The following CDK12 variants were observed in gnomAD, a reference collection of about 807,000 sequenced individuals.
CDK12 encodes the protein cyclin-dependent kinase 12.
Under a neutral mutation model 133.8 loss-of-function variants are expected in CDK12, and 17 were observed. That is an observed-to-expected ratio of 0.13 (90% CI 0.09 to 0.19). The LOEUF (loss-of-function observed/expected upper bound fraction) is 0.19. Among genes scored for constraint, CDK12 ranks in the 10% least tolerant of loss-of-function variants. The probability of loss-of-function intolerance (pLI) is 1.00; values close to 1 mark genes in which losing one functional copy is unlikely to be tolerated. For synonymous variants in CDK12, 694 were observed against 683.6 expected, an observed-to-expected ratio of 1.02 and a Z score of -0.24; for missense variants, 1,508 against 1,818.7, an observed-to-expected ratio of 0.83 and a Z score of 3.11.
downstream of CDK12, among the ~76,000 whole-genome samples, chr17:39,538,509 G>C (rs2055247775): frequency 6.6e-6 from 1 of 152,208 alleles, no homozygotes; most frequent in African/African-American, 2.4e-5. Context: ...AACTAACATT[G>C]TTGGGTACCT....
chr17:39,468,359 A>G (rs1208136966), intron 1 of CDK12, among the ~76,000 whole-genome samples: 2 of 152,174 alleles, frequency 1.3e-5, no homozygotes, highest in Non-Finnish European at 2.9e-5. Flanking sequence ...TGTCAGTCTT[A>G]CCATATCTCC....
At chr17:39,477,004 A>G (rs2145398064) in intron 2 of CDK12, among the ~76,000 whole-genome samples, 1 of 150,388 alleles carries the variant, frequency 6.6e-6, no homozygotes, top group South Asian at 2.1e-4. Flanking sequence ...GTGAACCACC[A>G]AGTCCAGCCC....
intron 1 of CDK12, among the ~76,000 whole-genome samples, chr17:39,470,146 T>C (rs2145164601): frequency 6.6e-6 from 1 of 151,990 alleles, no homozygotes; most frequent in South Asian, 2.1e-4. Flanking sequence ...TTTTTTTTTT[T>C]TTTGAGATGT....
In CDK12 at chr17:39,559,857, T is replaced by TA. The variant is rs56017248; in HGVS notation, n.484+3461dup. 7.4e-3 allele frequency among the ~76,000 whole-genome samples: 995 copies of TA among 133,954 alleles called. 10 individuals are homozygous for TA. Among genetic ancestry groups the TA allele is most frequent in the Middle Eastern group, 0.012 (3 of 260 alleles). 87.9% of individuals were successfully genotyped at this position (133,954 alleles called of 152,430 possible). A position where few individuals can be genotyped will look rare whatever the true frequency, so the allele number is the denominator to read the frequency against. On this transcript the variant is annotated intron_variant and non_coding_transcript_variant, in intron 3 of 3. Transcript: ENST00000558240. ...CCATCTCATAAAAAAGAAAAAATGT[T>TA]AAAAAAAAAAAAAAAAAGAAAGAAA...
intron 2 of CDK12, among the ~76,000 whole-genome samples, chr17:39,484,644 C>G (rs1461321364): frequency 2.0e-5 from 3 of 152,052 alleles, no homozygotes; most frequent in African/African-American, 7.2e-5. Flanking sequence ...CTCATTCTGT[C>G]TTGAAATAAA....
In CDK12 at chr17:39,482,469, T is replaced by A. The variant is rs2050787532; in HGVS notation, c.1932-8088T>A. ...GGATGCTTGGTTTCCATTTTTTATGTACTTAACTAAACTTTTTTTTTTAGG... is the reference window on the plus strand; with the variant it reads ...GGATGCTTGGTTTCCATTTTTTATGAACTTAACTAAACTTTTTTTTTTAGG... On this transcript the variant is annotated intron_variant, in intron 2 of 13. Coordinates refer to ENST00000447079, the MANE Select transcript of CDK12 (RefSeq NM_016507.4). Among the ~76,000 whole-genome samples, 3 of 151,900 alleles carry A rather than the reference T, an allele frequency of 2.0e-5. No homozygotes were observed. The South Asian group carries it at 6.2e-4, about 32-fold the overall frequency.
At chr17:39,561,027 CAAAA>C (rs1456666668) in intron 3 of CDK12, among the ~76,000 whole-genome samples, 1 of 151,806 alleles carries the variant, frequency 6.6e-6, no homozygotes, top group African/African-American at 2.4e-5. Context: ...AAAAAACAAA[CAAAA>C]AGCAGCAGTG....
At chr17:39,546,102 C>T (rs961835366), upstream of CDK12, 4 of 150,034 alleles carry the variant, frequency 2.7e-5, no homozygotes, top group African/African-American at 9.8e-5. Flanking sequence ...GCCCCTTCCT[C>T]CTTTTTTATG....
intron 13 of CDK12, among the ~76,000 whole-genome samples, chr17:39,528,420 A>G (rs550675257): frequency 2.6e-5 from 4 of 151,318 alleles, no homozygotes; most frequent in African/African-American, 7.3e-5. Context: ...TGCAAACCCT[A>G]CCTCCCAGGT....
At chr17:39,523,517 C>T (rs2054309254) in intron 11 of CDK12, among the ~76,000 whole-genome samples, 1 of 152,130 alleles carries the variant, frequency 6.6e-6, no homozygotes, top group Admixed American at 6.5e-5. Flanking sequence ...TTGAATTTGT[C>T]AGTGACAGTA....
intron 2 of CDK12, among the ~76,000 whole-genome samples, chr17:39,480,726 ACTTTT>A (rs570978924): frequency 3.8e-4 from 58 of 152,104 alleles, no homozygotes; most frequent in Middle Eastern, 3.4e-3. Context: ...CCCAGCCGAA[ACTTTT>A]CTTTTCTTTC....
At chr17:39,509,803 T>C in intron 7 of CDK12, 42 bp downstream of exon 7, 4 of 1,472,942 alleles carry the variant, frequency 2.7e-6, no homozygotes, top group Non-Finnish European at 3.8e-6. Flanking sequence ...ATAAGGTTTG[T>C]TTTGTTTTGT....
At chr17:39,516,052 AT>A (rs1172984084) in intron 9 of CDK12, among the ~76,000 whole-genome samples, 6 of 152,144 alleles carry the variant, frequency 3.9e-5, no homozygotes, top group Non-Finnish European at 1.5e-5. Flanking sequence ...AAAGCATACC[AT>A]TTTGGGGATG....
At chr17:39,473,049 C>A (rs1206509506) in intron 2 of CDK12, among the ~76,000 whole-genome samples, 1 of 151,438 alleles carries the variant, frequency 6.6e-6, no homozygotes, top group Non-Finnish European at 1.5e-5. Context: ...GTACTCCAGT[C>A]TGGGCGATAG....
chr17:39,465,271 C>T (rs1052388735), intron 1 of CDK12, among the ~76,000 whole-genome samples: 2 of 127,448 alleles, frequency 1.6e-5, no homozygotes, highest in Non-Finnish European at 3.4e-5. Context: ...AAAAAAAAAG[C>T]CATGTATTTT....
chr17:39,463,261 A>G (rs2049073247), intron 1 of CDK12, 144 bp downstream of exon 1: 2 of 741,048 alleles, frequency 2.7e-6, no homozygotes, highest in Admixed American at 2.8e-5. Flanking sequence ...CAGTGTGTGA[A>G]TCTGTCTCCC....
downstream of CDK12, among the ~76,000 whole-genome samples, chr17:39,566,658 T>A (rs2056586034): frequency 6.6e-6 from 1 of 152,180 alleles, no homozygotes. Flanking sequence ...AGCTCTGGGC[T>A]CTACGCCGTC....
intron 3 of CDK12, among the ~76,000 whole-genome samples, chr17:39,560,004 C>G (rs2056318665): frequency 6.6e-6 from 1 of 151,960 alleles, no homozygotes; most frequent in Non-Finnish European, 1.5e-5. Context: ...GCTATGTTGC[C>G]CAGGGTGGTC....
Position 39,499,581 on chromosome 17 carries a change from C to T in CDK12, c.2420-1669C>T, listed in dbSNP as rs546369067. Among the ~76,000 whole-genome samples, 3 of 151,144 alleles carry T rather than the reference C, an allele frequency of 2.0e-5. No homozygotes were observed. The East Asian group carries it at 5.9e-4, about 30-fold the overall frequency. ...CTGAAGTGCGATGGTGCAGTCTCAG[C>T]TCACTGCGACCTCTGCCTGCTGGGT... On this transcript the variant is annotated intron_variant, in intron 5 of 13. Coordinates refer to ENST00000447079, the MANE Select transcript of CDK12 (RefSeq NM_016507.4).
Sources: gnomAD v4.1 joint callset for allele counts (sites outside exome capture counted in the v4.1 genomes callset) on GRCh38, gnomAD v4.1.1 for gene constraint, MANE v1.5 for transcripts, NCBI Gene and HGNC (gene_info 2026-07-23, HGNC 2026-07-21) for gene names.